LRATD1: variants seen among roughly 807,000 people sequenced by gnomAD.
LRATD1 encodes the protein protein LRATD1.
A neutral mutation model predicts 21.3 loss-of-function variants in LRATD1; 8 were observed. That is an observed-to-expected ratio of 0.38 (90% CI 0.22 to 0.68). The LOEUF is 0.68. LRATD1 is among the 30% of genes least tolerant of loss of function. The probability of loss-of-function intolerance (pLI) is 0.54; values close to 1 mark genes in which losing one functional copy is unlikely to be tolerated. For missense variants in LRATD1, 380 were observed against 404.0 expected (o/e 0.94, Z 0.51); for synonymous variants, 210 against 186.2 (o/e 1.13, Z -1.04).
At chr2:14,645,038 G>C (rs1671870930), downstream of LRATD1, among the ~76,000 whole-genome samples, 1 of 152,142 alleles carries the variant, frequency 6.6e-6, no homozygotes, top group Admixed American at 6.5e-5. Flanking sequence ...ATTTAAAATG[G>C]CCTTCTGAAG....
At chr2:14,642,268 G>T (rs933019498), downstream of LRATD1, among the ~76,000 whole-genome samples, 4 of 152,194 alleles carry the variant, frequency 2.6e-5, no homozygotes, top group African/African-American at 9.7e-5. Flanking sequence ...AGTGATGGGA[G>T]ATTAGCTATA....
At chr2:14,642,892 T>C (rs939413973), downstream of LRATD1, among the ~76,000 whole-genome samples, 5 of 152,222 alleles carry the variant, frequency 3.3e-5, no homozygotes, top group Admixed American at 6.5e-5. Flanking sequence ...AGGGACTTAT[T>C]ATTCTCTTAG....
downstream of LRATD1, chr2:14,640,142 A>G (rs1671784624): frequency 6.0e-6 from 1 of 166,202 alleles, no homozygotes; most frequent in African/African-American, 2.4e-5. Flanking sequence ...ATTCACCTCA[A>G]GGAGAGATTT....
chr2:14,648,139 C>T (rs1357236129), intron 4 of LRATD1, among the ~76,000 whole-genome samples: 1 of 152,134 alleles, frequency 6.6e-6, no homozygotes, highest in Non-Finnish European at 1.5e-5. Flanking sequence ...TGTGTCTTTA[C>T]TCAGACTTTT....
intron 4 of LRATD1, among the ~76,000 whole-genome samples, chr2:14,649,050 C>G (rs2103414799): frequency 6.6e-6 from 1 of 152,244 alleles, no homozygotes; most frequent in South Asian, 2.1e-4. Context: ...AAAGCCTATA[C>G]CCTTCAAAGA....
intron 2 of LRATD1, among the ~76,000 whole-genome samples, chr2:14,645,468 T>C (rs1671878001): frequency 6.6e-6 from 1 of 152,214 alleles, no homozygotes; most frequent in Admixed American, 6.5e-5. Flanking sequence ...ACAGTCCATT[T>C]ACAGTGTAAA....
Position 14,634,790 on chromosome 2 carries a change from C to G in LRATD1, c.811C>G (p.Arg271Gly). 1 of 1,604,046 alleles carries G rather than the reference C, an allele frequency of 6.2e-7. No homozygotes were observed. Among genetic ancestry groups the G allele is most frequent in the Non-Finnish European group, 8.5e-7 (1 of 1,174,412 alleles). Reference protein sequence around the residue: ...SLEDLIREKRRIDASGRLRVL... With the variant: ...SLEDLIREKRGIDASGRLRVL... Reference sequence around the variant, plus strand: ...GGAAGACCTCATCCGCGAGAAGCGCCGTATCGACGCCAGCGGCCGCCTGCG... The same window carrying G: ...GGAAGACCTCATCCGCGAGAAGCGCGGTATCGACGCCAGCGGCCGCCTGCG... The change falls in exon 2 of 2, where the codon CGT (arginine) becomes GGT (glycine). Residue 271 changes from arginine (R) to glycine (G), a missense_variant. Transcript: ENST00000295092.
Position 14,639,156 on chromosome 2 carries a change from G to A in LRATD1, c.*4298G>A, listed in dbSNP as rs1202202597. On this transcript the variant is annotated 3_prime_UTR_variant, in exon 2 of 2. Coordinates refer to ENST00000295092, the MANE Select transcript of LRATD1 (RefSeq NM_145175.4). ...CTACTTAAAATAGAGAGTGACTTGA[G>A]ATATACAAAAACAGGAAGAAAAGCC... 6.0e-6 allele frequency: 1 copy of A among 166,492 alleles called. No individual in the cohort carries two copies. Among genetic ancestry groups the A allele is most frequent in the Non-Finnish European group, 1.5e-5 (1 of 67,938 alleles). 10.3% of individuals were successfully genotyped at this position (166,492 alleles called of 1,614,324 possible).
At chr2:14,647,094 A>C (rs1254141134) in intron 4 of LRATD1, among the ~76,000 whole-genome samples, 1 of 152,234 alleles carries the variant, frequency 6.6e-6, no homozygotes, top group East Asian at 1.9e-4. Flanking sequence ...GGAGACTATG[A>C]ACCCTAACTC....
rs1363797669 is a variant in LRATD1 at position 14,634,492 on chromosome 2, G to A, written c.513G>A (p.Ala171=). 4.0e-6 allele frequency: 6 copies of A among 1,507,526 alleles called. No individual in the cohort carries two copies. Among genetic ancestry groups the A allele is most frequent in the Admixed American group, 4.5e-5 (2 of 43,960 alleles). The allele number at this position is 1,507,526 out of a possible 1,614,324, so 93.4% of individuals were successfully genotyped here. Reference sequence around the variant, plus strand: ...AGGACAGCCTGTATGAGGCGGGCGCGGCCAACGTGGGCCGGGTGGTGAATA... The same window carrying A: ...AGGACAGCCTGTATGAGGCGGGCGCAGCCAACGTGGGCCGGGTGGTGAATA... ...IRQDSLYEAG[A]ANVGRVVNSW... Residue 171 remains alanine, a synonymous_variant, in exon 2 of 2, where the codon GCG becomes GCA. Coordinates refer to ENST00000295092, the MANE Select transcript of LRATD1 (RefSeq NM_145175.4).
downstream of LRATD1, chr2:14,650,842 C>T (rs1671992387): frequency 6.6e-6 from 1 of 151,942 alleles, no homozygotes; most frequent in Non-Finnish European, 1.5e-5. Context: ...TGGGTTATTT[C>T]CTTGGAATAT....
At position 14,638,330 on chromosome 2, in the gene LRATD1, A is replaced by AT. The variant is rs1215504496; in HGVS notation, c.*3478dup. The AT allele has an allele frequency of 1.2e-5, 2 of 166,630 alleles. No homozygotes were observed. The highest frequency in any genetic ancestry group is 2.4e-5 in the African/African-American group (1 of 41,320). 10.3% of individuals were successfully genotyped at this position (166,630 alleles called of 1,614,324 possible). A position where few individuals can be genotyped will look rare whatever the true frequency, so the allele number is the denominator to read the frequency against. ...TAATGTAAGCTGTTGTCATGACAGTATTTTTTAAAAATAATAACGTATATT... is the reference window on the plus strand; with the variant it reads ...TAATGTAAGCTGTTGTCATGACAGTATTTTTTTAAAAATAATAACGTATATT... On this transcript the variant is annotated 3_prime_UTR_variant, in exon 2 of 2. Transcript: ENST00000295092.
chr2:14,650,041 A>G (rs2103415290), downstream of LRATD1: 1 of 152,436 alleles, frequency 6.6e-6, no homozygotes, highest in Non-Finnish European at 1.5e-5. Context: ...ACCCTCCAGA[A>G]CTGGGAGAAA....
intron 4 of LRATD1, among the ~76,000 whole-genome samples, chr2:14,648,643 A>G (rs993489741): frequency 6.6e-6 from 1 of 152,170 alleles, no homozygotes; most frequent in Non-Finnish European, 1.5e-5. Context: ...AGAGGAGAAA[A>G]GCCAAAATGG....
Position 14,635,763 on chromosome 2 carries a change from G to A in LRATD1, c.*905G>A, listed in dbSNP as rs763945047. On this transcript the variant is annotated 3_prime_UTR_variant, in exon 2 of 2. Transcript: ENST00000295092. ...CCCTTGATTGCTCCCTCCTCGGGCTGCATTTCAAAAATAGTCATATTTTTA... is the reference window on the plus strand; with the variant it reads ...CCCTTGATTGCTCCCTCCTCGGGCTACATTTCAAAAATAGTCATATTTTTA... The A allele has an allele frequency of 5.0e-5, 19 of 381,402 alleles. 1 individual carries two copies. Among genetic ancestry groups the A allele is most frequent in the Admixed American group, 3.2e-4 (9 of 28,284 alleles). 23.6% of individuals were successfully genotyped at this position (381,402 alleles called of 1,614,324 possible). A position where few individuals can be genotyped will look rare whatever the true frequency, so the allele number is the denominator to read the frequency against.
At chr2:14,645,915 G>A (rs1227738619) in intron 2 of LRATD1, among the ~76,000 whole-genome samples, 2 of 152,124 alleles carry the variant, frequency 1.3e-5, no homozygotes, top group African/African-American at 4.8e-5. Flanking sequence ...AGGTCTTACT[G>A]TTCCCTGCAT....
chr2:14,634,037 G>A lies in LRATD1; in HGVS notation c.58G>A (p.Asp20Asn), dbSNP rs1671615023. The A allele has an allele frequency of 6.2e-7, 1 of 1,614,094 alleles. No individual in the cohort carries two copies. The highest frequency in any genetic ancestry group is 8.5e-7 in the Non-Finnish European group (1 of 1,180,030). ...HLNYSELPTGDPSGIEKDELR... is the reference protein window; with the variant it reads ...HLNYSELPTGNPSGIEKDELR... The stretch of plus-strand genomic sequence containing the variant: ...CAACTACAGCGAGTTGCCCACAGGG[G>A]ACCCGTCGGGGATTGAAAAGGACGA... The change falls in exon 2 of 2, where the codon GAC (aspartate) becomes AAC (asparagine). Residue 20 changes from aspartate (D) to asparagine (N), a missense_variant. Coordinates refer to ENST00000295092, the MANE Select transcript of LRATD1 (RefSeq NM_145175.4).
downstream of LRATD1, among the ~76,000 whole-genome samples, chr2:14,640,757 G>T (rs1468455938): frequency 6.6e-6 from 1 of 152,122 alleles, no homozygotes; most frequent in African/African-American, 2.4e-5. Context: ...ATTCTGCAAG[G>T]GGGTGAGCAG....
At position 14,634,214 on chromosome 2, in the gene LRATD1, C is replaced by A. The variant is rs1169869810; in HGVS notation, c.235C>A (p.Leu79Met). 1 of 1,613,246 alleles carries A rather than the reference C, an allele frequency of 6.2e-7. No individual in the cohort carries two copies. The highest frequency in any genetic ancestry group is 1.7e-5 in the Admixed American group (1 of 60,010). The stretch of plus-strand genomic sequence containing the variant: ...CCACCACCACCACCTGCTGCACCAG[C>A]TGGTCCTCAACGAGACTCAGTTTTC... ...SRHHHHLLHQLVLNETQFSAF... is the reference protein window; with the variant it reads ...SRHHHHLLHQMVLNETQFSAF... The change falls in exon 2 of 2, where the codon CTG becomes ATG. Residue 79 changes from leucine (L) to methionine (M), a missense_variant. Physicochemically the swap from Leu to Met is conservative, Grantham distance 15. Coordinates refer to ENST00000295092, the MANE Select transcript of LRATD1 (RefSeq NM_145175.4).
Sources: gnomAD v4.1 joint callset for allele counts (sites outside exome capture counted in the v4.1 genomes callset) on GRCh38, gnomAD v4.1.1 for gene constraint, MANE v1.5 for transcripts, NCBI Gene and HGNC (gene_info 2026-07-23, HGNC 2026-07-21) for gene names.